Variants in ASTN2 observed in about 807,000 individuals in gnomAD.
ASTN2 encodes the protein astrotactin 2.
Under a neutral mutation model 139.8 loss-of-function variants are expected in ASTN2, and 54 were observed. That is an observed-to-expected ratio of 0.39 (90% CI 0.31 to 0.48). The LOEUF (loss-of-function observed/expected upper bound fraction) is 0.48. Ranked by LOEUF, ASTN2 falls within the 20% of genes least tolerant of loss-of-function variation. The pLI, the probability that ASTN2 is intolerant of heterozygous loss-of-function variation, is 0.95. For synonymous variants in ASTN2, 756 were observed against 719.5 expected (o/e 1.05, Z -0.81); for missense variants, 1,565 against 1,725.1 (o/e 0.91, Z 1.64).
chr9:116,537,848 T>C (rs1995731), intron 19 of ASTN2, among the ~76,000 whole-genome samples: 151,151 of 152,318 alleles, frequency 0.99, 75,003 homozygotes, highest in East Asian at 1. Context: ...ATCTGAGCCA[T>C]GAAAGCAGGG....
intron 20 of ASTN2, among the ~76,000 whole-genome samples, chr9:116,459,074 A>C (rs1370812009): frequency 1.3e-5 from 2 of 152,072 alleles, no homozygotes. Flanking sequence ...TCAATGAAAT[A>C]AAATTGACAG....
intron 22 of ASTN2, among the ~76,000 whole-genome samples, chr9:116,427,414 G>T (rs746119710): frequency 6.6e-6 from 1 of 152,176 alleles, no homozygotes; most frequent in Non-Finnish European, 1.5e-5. Context: ...CTTAGAGAAG[G>T]AATAGAATAT....
intron 3 of ASTN2, among the ~76,000 whole-genome samples, chr9:117,144,132 T>C (rs1564447675): frequency 1.3e-5 from 2 of 152,132 alleles, no homozygotes; most frequent in African/African-American, 4.8e-5. Flanking sequence ...TCTCTTTCTA[T>C]GGACACAGAC....
chr9:116,599,199 G>A (rs1308013236), intron 19 of ASTN2, among the ~76,000 whole-genome samples: 2 of 152,126 alleles, frequency 1.3e-5, no homozygotes, highest in Admixed American at 6.6e-5. Flanking sequence ...GTCACGTGAG[G>A]GTGTGAGTCT....
chr9:117,372,139 T>G (rs1830006340), intron 1 of ASTN2, among the ~76,000 whole-genome samples: 1 of 152,164 alleles, frequency 6.6e-6, no homozygotes. Flanking sequence ...GAGGCCCGAC[T>G]GCAGTCCCCG....
intron 13 of ASTN2, among the ~76,000 whole-genome samples, chr9:116,735,148 G>A (rs1457826031): frequency 6.6e-6 from 1 of 152,156 alleles, no homozygotes; most frequent in African/African-American, 2.4e-5. Flanking sequence ...GTCTGCCCAG[G>A]CATGCACGTG....
At chr9:117,054,972 T>C (rs188059894) in intron 5 of ASTN2, among the ~76,000 whole-genome samples, 1 of 152,252 alleles carries the variant, frequency 6.6e-6, no homozygotes, top group Non-Finnish European at 1.5e-5. Flanking sequence ...CAGGTTACAA[T>C]AGGGTTGGTG....
intron 1 of ASTN2, among the ~76,000 whole-genome samples, chr9:117,347,166 C>T (rs561402803): frequency 8.5e-5 from 13 of 152,096 alleles, no homozygotes; most frequent in African/African-American, 2.9e-4. Context: ...GAAGAAAAGG[C>T]ACATGCAGTG....
chr9:116,996,487 C>A (rs1837019862), intron 7 of ASTN2, among the ~76,000 whole-genome samples: 2 of 151,968 alleles, frequency 1.3e-5, no homozygotes, highest in African/African-American at 2.4e-5. Flanking sequence ...GAGCATAATG[C>A]ATTGGGGAAA....
intron 19 of ASTN2, among the ~76,000 whole-genome samples, chr9:116,539,958 C>A (rs1047382429): frequency 4.6e-5 from 7 of 152,018 alleles, no homozygotes; most frequent in Non-Finnish European, 8.8e-5. Context: ...TGATAAGAAA[C>A]CATTGGGTTA....
intron 3 of ASTN2, among the ~76,000 whole-genome samples, chr9:117,212,912 T>G (rs1034373462): frequency 1.4e-4 from 21 of 152,282 alleles, no homozygotes; most frequent in African/African-American, 5.1e-4. Flanking sequence ...CTACCATATA[T>G]CTAGCAATCC....
intron 7 of ASTN2, among the ~76,000 whole-genome samples, chr9:116,987,933 G>A (rs188603821): frequency 6.6e-6 from 1 of 152,178 alleles, no homozygotes; most frequent in Non-Finnish European, 1.5e-5. Context: ...CTATGGACAA[G>A]GGAATGATTC....
At chr9:116,840,564 C>T (rs1234778955) in intron 11 of ASTN2, among the ~76,000 whole-genome samples, 2 of 115,396 alleles carry the variant, frequency 1.7e-5, no homozygotes, top group East Asian at 2.8e-4. Flanking sequence ...GGCTGACCCC[C>T]CCACCTCCCT....
intron 11 of ASTN2, among the ~76,000 whole-genome samples, chr9:116,839,732 G>A (rs995236467): frequency 3.3e-5 from 5 of 151,600 alleles, no homozygotes; most frequent in African/African-American, 9.7e-5. Context: ...CTGCAGTGGC[G>A]TGATCTCGGC....
chr9:116,475,638 C>T (rs1848954832), intron 20 of ASTN2, among the ~76,000 whole-genome samples: 1 of 152,186 alleles, frequency 6.6e-6, no homozygotes, highest in South Asian at 2.1e-4. Flanking sequence ...AATAAACATT[C>T]AAGGTCACTC....
chr9:116,438,639 C>T (rs1847733162), intron 22 of ASTN2, among the ~76,000 whole-genome samples: 1 of 152,198 alleles, frequency 6.6e-6, no homozygotes, highest in Non-Finnish European at 1.5e-5. Context: ...TCCCCTCTTT[C>T]AGGTTACTTC....
intron 19 of ASTN2, among the ~76,000 whole-genome samples, chr9:116,598,918 G>C (rs965618591): frequency 6.6e-5 from 10 of 152,170 alleles, no homozygotes; most frequent in African/African-American, 1.9e-4. Flanking sequence ...TTCTGTTATT[G>C]AACAGTCAGA....
chr9:117,352,073 T>C (rs975823387), intron 1 of ASTN2, among the ~76,000 whole-genome samples: 3 of 152,230 alleles, frequency 2.0e-5, no homozygotes, highest in Admixed American at 6.5e-5. Context: ...GAGGAAAACC[T>C]GGACTTCTCA....
intron 13 of ASTN2, among the ~76,000 whole-genome samples, chr9:116,767,522 C>T (rs1588276312): frequency 6.6e-6 from 1 of 152,198 alleles, no homozygotes. Flanking sequence ...AGGGAGCTGA[C>T]AGCTCCTAAT....
Sources: allele counts gnomAD v4.1 joint callset (sites outside exome capture counted in the v4.1 genomes callset), GRCh38; gene constraint gnomAD v4.1.1; transcripts MANE v1.5; gene names NCBI Gene and HGNC (gene_info 2026-07-23, HGNC 2026-07-21).